The following FUT8 variants were observed in gnomAD, a reference collection of about 807,000 sequenced individuals.
FUT8 encodes alpha-(1,6)-fucosyltransferase.
In FUT8, 29 loss-of-function variants were observed where a neutral mutation model predicts 71.3. That is an observed-to-expected ratio of 0.41 (90% CI 0.30 to 0.55). FUT8 has a LOEUF of 0.55. Ranked by LOEUF, FUT8 falls within the 20% of genes least tolerant of loss-of-function variation. The pLI is 0.34. For missense variants in FUT8, 544 were observed against 702.1 expected, an observed-to-expected ratio of 0.77 and a Z score of 2.55; for synonymous variants, 254 against 239.3, an observed-to-expected ratio of 1.06 and a Z score of -0.57.
rs1895431609 is a variant in FUT8, at chr14:65,721,861, G to A, written c.922G>A (p.Val308Ile). 1.2e-6 allele frequency: 2 copies of A among 1,614,210 alleles called. No homozygotes were observed. The highest frequency in any genetic ancestry group is 2.2e-5 in the South Asian group (2 of 91,082). The stretch of plus-strand genomic sequence containing the variant: ...CCGTCCTCCATATTTACCCTTGGCT[G>A]TACCAGAAGACCTCGCAGATCGACT... ...HPRPPYLPLA[V>I]PEDLADRLVR... Residue 308 changes from valine to isoleucine, a missense_variant, in exon 8 of 11, where the codon GTA becomes ATA. Val to Ile is a conservative substitution (Grantham distance 29). Coordinates refer to ENST00000673929, the MANE Select transcript of FUT8 (RefSeq NM_001371533.1).
chr14:65,647,362 G>A (rs893060181), intron 6 of FUT8, among the ~76,000 whole-genome samples: 3 of 152,182 alleles, frequency 2.0e-5, no homozygotes, highest in African/African-American at 7.2e-5. Context: ...ATTATGCAAA[G>A]TAACTCTTAT....
At chr14:65,637,102 G>GA (rs1374092798) in intron 6 of FUT8, among the ~76,000 whole-genome samples, 2 of 152,076 alleles carry the variant, frequency 1.3e-5, no homozygotes, top group Non-Finnish European at 2.9e-5. Context: ...TCTTACTCTT[G>GA]TGTTATATAA....
chr14:65,401,895 T>TA, the FUT8 span, among the ~76,000 whole-genome samples: 1,348 of 105,186 alleles, frequency 0.013, 16 homozygotes, highest in African/African-American at 0.029. Flanking sequence ...AGACCCTGTC[T>TA]AAAAAAAAAA....
chr14:65,546,818 T>C (rs1316398751), intron 2 of FUT8, among the ~76,000 whole-genome samples: 1 of 151,766 alleles, frequency 6.6e-6, no homozygotes, highest in Non-Finnish European at 1.5e-5. Flanking sequence ...ATGTAAATGG[T>C]AGAATTCGCA....
chr14:65,527,931 C>T (rs930566729), intron 2 of FUT8, among the ~76,000 whole-genome samples: 2 of 152,158 alleles, frequency 1.3e-5, no homozygotes, highest in African/African-American at 4.8e-5. Context: ...GAGGGGTACA[C>T]GGCCATGTGA....
intron 3 of FUT8, among the ~76,000 whole-genome samples, chr14:65,570,050 T>C (rs1886390627): frequency 6.6e-6 from 1 of 152,054 alleles, no homozygotes; most frequent in Non-Finnish European, 1.5e-5. Context: ...CCATGTAGCA[T>C]CTAAATTTGA....
chr14:65,736,946 A>G (rs912131255), intron 10 of FUT8, among the ~76,000 whole-genome samples: 2 of 152,114 alleles, frequency 1.3e-5, no homozygotes, highest in Non-Finnish European at 2.9e-5. Flanking sequence ...ATTTTATACC[A>G]TATAACAATA....
At chr14:65,581,628 A>T (rs2140113677) in intron 3 of FUT8, among the ~76,000 whole-genome samples, 1 of 152,266 alleles carries the variant, frequency 6.6e-6, no homozygotes, top group African/African-American at 2.4e-5. Context: ...GTGTCAAAGG[A>T]TATAAACTGA....
rs79233121 is a variant in FUT8 at position 65,735,730 on chromosome 14, G to A, written c.1410+2349G>A. Among the ~76,000 whole-genome samples, 890 of 152,162 alleles carry A rather than the reference G, an allele frequency of 5.8e-3. 14 individuals carry two copies. Among genetic ancestry groups the A allele is most frequent in the African/African-American group, 0.018 (756 of 41,532 alleles). On this transcript the variant is annotated intron_variant, in intron 10 of 10. Coordinates refer to ENST00000673929, the MANE Select transcript of FUT8 (RefSeq NM_001371533.1). ...CATGTACCTTATTTGATGACTAACC[G>A]CTGTAGCATTTGAAATTGTAGAGTA...
At chr14:65,519,565 A>G (rs1027759593) in intron 2 of FUT8, among the ~76,000 whole-genome samples, 6 of 152,194 alleles carry the variant, frequency 3.9e-5, no homozygotes, top group Non-Finnish European at 7.4e-5. Flanking sequence ...GCTACTGTTT[A>G]AAAATAATAA....
In FUT8 at chr14:65,444,980, T is replaced by G. The variant is rs1197110494; in HGVS notation, c.-325-10641T>G. Reference sequence around the variant, plus strand: ...CAGCACTTTGAGAGGCCGAGGCGGGTGGATCATGAGGTCAGGAGTTCAAGA... The same window carrying G: ...CAGCACTTTGAGAGGCCGAGGCGGGGGGATCATGAGGTCAGGAGTTCAAGA... On this transcript the variant is annotated intron_variant, in intron 1 of 10. Coordinates refer to ENST00000673929, the MANE Select transcript of FUT8 (RefSeq NM_001371533.1). Among the ~76,000 whole-genome samples, 3 of 151,792 alleles carry G rather than the reference T, an allele frequency of 2.0e-5. No homozygotes were observed. The East Asian group carries it at 5.8e-4, about 30-fold the overall frequency.
intron 2 of FUT8, among the ~76,000 whole-genome samples, chr14:65,493,480 CA>C (rs1029410988): frequency 4.6e-5 from 7 of 151,630 alleles, no homozygotes; most frequent in African/African-American, 1.7e-4. Context: ...GGAAGCTTGA[CA>C]AAAAAGGAAA....
At chr14:65,436,807 A>G (rs1336475329) in intron 1 of FUT8, among the ~76,000 whole-genome samples, 1 of 152,006 alleles carries the variant, frequency 6.6e-6, no homozygotes, top group Non-Finnish European at 1.5e-5. Context: ...AGTCTGGGCT[A>G]TATATTTACA....
intron 7 of FUT8, among the ~76,000 whole-genome samples, chr14:65,676,001 A>T (rs908229232): frequency 2.6e-5 from 4 of 152,200 alleles, no homozygotes; most frequent in African/African-American, 7.2e-5. Flanking sequence ...TGTTTCAAAA[A>T]AAATAAATAA....
Position 65,616,075 on chromosome 14 carries a change from A to C in FUT8, c.301A>C (p.Lys101Gln), listed in dbSNP as rs2229678. The change falls in exon 4 of 11, where the codon AAG becomes CAG. Residue 101 changes from lysine (K) to glutamine (Q), a missense_variant. Lys to Gln is a moderately conservative substitution (Grantham distance 53, BLOSUM62 1). Coordinates refer to ENST00000673929, the MANE Select transcript of FUT8 (RefSeq NM_001371533.1). ...VKAKEQIENY[K>Q]KQTRNGLGKD... ...GGCCAAAGAACAGATTGAAAATTAC[A>C]AGAAACAGACCAGAAATGGTAGGTG... 21,548 of 1,613,820 alleles carry C rather than the reference A, an allele frequency of 0.013. 289 individuals are homozygous for C. Among genetic ancestry groups the C allele is most frequent in the Non-Finnish European group, 0.013 (15,431 of 1,179,768 alleles).
At chr14:65,629,690 T>C in intron 6 of FUT8, 84 bp downstream of exon 6, 1 of 950,860 alleles carries the variant, frequency 1.1e-6, no homozygotes. Flanking sequence ...CAGTTGTTTT[T>C]AGTCTTCCTG....
intron 2 of FUT8, among the ~76,000 whole-genome samples, chr14:65,536,133 C>T (rs1020017021): frequency 2.6e-5 from 4 of 151,968 alleles, no homozygotes; most frequent in Non-Finnish European, 5.9e-5. Flanking sequence ...TATTTTTTAG[C>T]CTACGGGTGT....
chr14:65,564,670 AT>A (rs1292353453), intron 3 of FUT8, among the ~76,000 whole-genome samples: 1 of 151,940 alleles, frequency 6.6e-6, no homozygotes, highest in African/African-American at 2.4e-5. Flanking sequence ...GTTCCCTCTT[AT>A]GGTCAAATTC....
At chr14:65,600,648 G>A (rs1888245226) in intron 3 of FUT8, among the ~76,000 whole-genome samples, 1 of 152,016 alleles carries the variant, frequency 6.6e-6, no homozygotes, top group African/African-American at 2.4e-5. Context: ...TAGTAACATG[G>A]GTTTCATGGG....
Sources: gnomAD v4.1 joint callset for allele counts (sites outside exome capture counted in the v4.1 genomes callset) on GRCh38, gnomAD v4.1.1 for gene constraint, MANE v1.5 for transcripts, NCBI Gene and HGNC (gene_info 2026-07-23, HGNC 2026-07-21) for gene names.